The following RTL4 variants were observed in gnomAD, a reference collection of about 807,000 sequenced individuals.
RTL4 encodes the protein retrotransposon Gag-like protein 4.
A neutral mutation model predicts 5.3 loss-of-function variants in RTL4; 4 were observed. That is an observed-to-expected ratio of 0.75 (90% confidence interval 0.37 to 1.72). RTL4 has a LOEUF of 1.72. Among genes scored for constraint, RTL4 ranks in the 40% most tolerant of loss-of-function variants. The pLI is 0.04. For missense variants in RTL4, 260 were observed against 227.1 expected (o/e 1.14, Z -0.93); for synonymous variants, 98 against 87.3 (o/e 1.12, Z -0.68).
At chrX:112,228,120 A>C in the RTL4 span, among the ~76,000 whole-genome samples, 2 of 111,356 alleles carry the variant, frequency 1.8e-5, no homozygotes, top group South Asian at 7.5e-4. Flanking sequence ...ATTTCAACAG[A>C]CTTTTTCAAT....
the RTL4 span, among the ~76,000 whole-genome samples, chrX:112,427,119 A>T: frequency 9.0e-6 from 1 of 111,361 alleles, no homozygotes; most frequent in African/African-American, 3.3e-5. Flanking sequence ...TATTAAAACC[A>T]GATAAAGTCA....
the RTL4 span, among the ~76,000 whole-genome samples, chrX:112,290,361 C>G: frequency 9.0e-6 from 1 of 111,406 alleles, no homozygotes; most frequent in African/African-American, 3.3e-5. Context: ...GAGAGAGAAT[C>G]TGAAGATTTA....
the RTL4 span, among the ~76,000 whole-genome samples, chrX:112,255,999 A>G: frequency 0.27 from 29,898 of 110,924 alleles, 3,957 homozygotes; most frequent in African/African-American, 0.53. Context: ...TTTAGCAACC[A>G]TGTCATATAA....
At chrX:112,151,834 G>T in the RTL4 span, among the ~76,000 whole-genome samples, 1 of 111,923 alleles carries the variant, frequency 8.9e-6, no homozygotes, top group Non-Finnish European at 1.9e-5. Flanking sequence ...TAGCTCCTTT[G>T]ATCACAAAGT....
At chrX:112,198,607 C>A in the RTL4 span, among the ~76,000 whole-genome samples, 2 of 111,352 alleles carry the variant, frequency 1.8e-5, no homozygotes, top group Non-Finnish European at 3.8e-5. Context: ...AATATTTATA[C>A]CCTTTGTATA....
the RTL4 span, among the ~76,000 whole-genome samples, chrX:112,394,236 T>C: frequency 2.7e-5 from 3 of 111,088 alleles, no homozygotes; most frequent in Non-Finnish European, 5.7e-5. Flanking sequence ...TCTCCGTGGG[T>C]TGGGTTGTTT....
the RTL4 span, among the ~76,000 whole-genome samples, chrX:112,189,890 TAACAACAAC>T: frequency 2.7e-5 from 3 of 111,674 alleles, no homozygotes; most frequent in Non-Finnish European, 5.6e-5. Context: ...CTCACCCAAA[TAACAACAAC>T]AACAACAACA....
the RTL4 span, among the ~76,000 whole-genome samples, chrX:112,312,889 CTTATACTAGCTCT>C: frequency 9.0e-6 from 1 of 110,706 alleles, no homozygotes; most frequent in Non-Finnish European, 1.9e-5. Context: ...ATCCCTTTTC[CTTATACTAGCTCT>C]TTATTTTGTA....
At chrX:112,242,296 AT>A in the RTL4 span, among the ~76,000 whole-genome samples, 7 of 111,645 alleles carry the variant, frequency 6.3e-5, no homozygotes, top group Non-Finnish European at 1.1e-4. Flanking sequence ...CAGTATGGCC[AT>A]TTTCATGATA....
the RTL4 span, among the ~76,000 whole-genome samples, chrX:112,149,477 A>AT: frequency 9.0e-6 from 1 of 111,134 alleles, no homozygotes. Context: ...AGGACACACA[A>AT]ATATCTGGGG....
At chrX:112,096,378 G>A in the RTL4 span, among the ~76,000 whole-genome samples, 1 of 111,333 alleles carries the variant, frequency 9.0e-6, no homozygotes, top group Admixed American at 9.6e-5. Context: ...TGTCAATAAG[G>A]GATTTTGTTT....
the RTL4 span, among the ~76,000 whole-genome samples, chrX:112,297,698 T>C: frequency 9.0e-6 from 1 of 111,509 alleles, no homozygotes; most frequent in Non-Finnish European, 1.9e-5. Context: ...ACACAGGCCA[T>C]TGTAGTGACT....
the RTL4 span, among the ~76,000 whole-genome samples, chrX:112,245,681 T>TC: frequency 0.26 from 28,831 of 111,208 alleles, 3,749 homozygotes; most frequent in African/African-American, 0.52. Context: ...TTACCGACCT[T>TC]TGAAGCCTAC....
the RTL4 span, among the ~76,000 whole-genome samples, chrX:112,344,113 A>G: frequency 8.9e-6 from 1 of 112,052 alleles, no homozygotes; most frequent in Non-Finnish European, 1.9e-5. Flanking sequence ...AATTTATTAA[A>G]CAAATATTTA....
At chrX:112,333,942 C>T in the RTL4 span, among the ~76,000 whole-genome samples, 2 of 105,448 alleles carry the variant, frequency 1.9e-5, no homozygotes, top group African/African-American at 6.9e-5. Context: ...CCTCCCCCCA[C>T]AAACACCCCC....
chrX:112,134,290 CA>C, the RTL4 span, among the ~76,000 whole-genome samples: 1 of 112,002 alleles, frequency 8.9e-6, no homozygotes, highest in Non-Finnish European at 1.9e-5. Flanking sequence ...TGGAGTGGAG[CA>C]AAGCACTGGA....
chrX:112,296,696 G>T, the RTL4 span, among the ~76,000 whole-genome samples: 1 of 103,639 alleles, frequency 9.6e-6, no homozygotes, highest in South Asian at 4.6e-4. Flanking sequence ...TGCAAGCTCC[G>T]CCTCCCGAGT....
chrX:112,126,100 G>A, the RTL4 span, among the ~76,000 whole-genome samples: 33 of 111,577 alleles, frequency 3.0e-4, no homozygotes, highest in South Asian at 0.011. Context: ...TTCCACCCCT[G>A]CAGAAGACTG....
At chrX:112,430,879 CACCA>C in the RTL4 span, among the ~76,000 whole-genome samples, 1 of 112,335 alleles carries the variant, frequency 8.9e-6, no homozygotes, top group African/African-American at 3.2e-5. Context: ...AGGCATGAGC[CACCA>C]TGCCCATATC....
Sources: allele counts gnomAD v4.1 joint callset (sites outside exome capture counted in the v4.1 genomes callset), GRCh38; gene constraint gnomAD v4.1.1; transcripts MANE v1.5; gene names NCBI Gene and HGNC (gene_info 2026-07-23, HGNC 2026-07-21).